ARHGEF3: variants seen among roughly 807,000 people sequenced by gnomAD.
The protein encoded by ARHGEF3 is Rho guanine nucleotide exchange factor 3, also known as 59.8 kDA protein.
ARHGEF3 carries 28 observed loss-of-function variants against 63.2 expected under a neutral mutation model. The observed-to-expected ratio is 0.44, with a 90% CI of 0.33 to 0.61. ARHGEF3 has a LOEUF of 0.61. ARHGEF3 is among the 20% of genes least tolerant of loss of function. The probability of loss-of-function intolerance (pLI) is 0.03; values close to 1 mark genes in which losing one functional copy is unlikely to be tolerated. For synonymous variants in ARHGEF3, 266 were observed against 254.2 expected, an observed-to-expected ratio of 1.05 and a Z score of -0.44; for missense variants, 533 against 659.3, an observed-to-expected ratio of 0.81 and a Z score of 2.10.
chr3:57,028,092 T>C (rs1703550789), intron 2 of ARHGEF3, among the ~76,000 whole-genome samples: 1 of 150,716 alleles, frequency 6.6e-6, no homozygotes, highest in African/African-American at 2.4e-5. Flanking sequence ...ACACTGTTGG[T>C]GGGACTGTAA....
chr3:56,945,043 T>C (rs1341964525), intron 3 of ARHGEF3, among the ~76,000 whole-genome samples: 1 of 152,200 alleles, frequency 6.6e-6, no homozygotes, highest in Non-Finnish European at 1.5e-5. Context: ...ATGGGTTAAA[T>C]GCATCATATT....
Position 57,074,457 on chromosome 3 carries a change from A to C in ARHGEF3, c.-28+4769T>G, listed in dbSNP as rs1706114607. ...ACTTCCCCAATATCACAGATGAAGA[A>C]ATCAAGATTCAGAAAGGTTAAGTTA... is the stretch of plus-strand genomic sequence containing the variant. On this transcript the variant is annotated intron_variant, in intron 1 of 12. Coordinates refer to the ARHGEF3 transcript ENST00000338458. The C allele has an allele frequency of 6.6e-6, 4 of 607,946 alleles. No individual in the cohort carries two copies. The Admixed American group carries it at 1.2e-4, about 19-fold the overall frequency. The allele number at this position is 607,946 out of a possible 1,614,324, so 37.7% of individuals were successfully genotyped here.
chr3:56,863,149 T>C (rs562658936), intron 4 of ARHGEF3, among the ~76,000 whole-genome samples: 11 of 152,220 alleles, frequency 7.2e-5, no homozygotes, highest in South Asian at 6.2e-4. Context: ...TTTTCTTTTT[T>C]TTTTTTGAGA....
At chr3:56,779,747 T>C (rs901195816) in intron 1 of ARHGEF3, among the ~76,000 whole-genome samples, 2 of 152,260 alleles carry the variant, frequency 1.3e-5, no homozygotes, top group Non-Finnish European at 2.9e-5. Context: ...CTTGTGTTAA[T>C]GTTTTTCTAA....
At chr3:56,900,405 C>A (rs1263082563) in intron 3 of ARHGEF3, among the ~76,000 whole-genome samples, 2 of 152,144 alleles carry the variant, frequency 1.3e-5, no homozygotes, top group Non-Finnish European at 2.9e-5. Context: ...GAGGCCAAGG[C>A]GGGAGGATTC....
At chr3:56,828,271 C>T (rs2038804532) in intron 4 of ARHGEF3, among the ~76,000 whole-genome samples, 1 of 152,056 alleles carries the variant, frequency 6.6e-6, no homozygotes, top group Admixed American at 6.6e-5. Context: ...CACGGTGGCT[C>T]ATGCCTGTAA....
At chr3:56,795,681 T>C (rs1578536496) in intron 1 of ARHGEF3, among the ~76,000 whole-genome samples, 1 of 114,326 alleles carries the variant, frequency 8.7e-6, no homozygotes, top group African/African-American at 3.8e-5. Context: ...GATGGACTCT[T>C]GCTCTGTTGC....
At chr3:56,839,592 T>C (rs2039241567) in intron 4 of ARHGEF3, among the ~76,000 whole-genome samples, 1 of 152,208 alleles carries the variant, frequency 6.6e-6, no homozygotes, top group African/African-American at 2.4e-5. Context: ...AATCTAAAAT[T>C]ATTCCAAAAT....
chr3:56,806,365 A>G (rs2107987617), upstream of ARHGEF3, among the ~76,000 whole-genome samples: 1 of 152,364 alleles, frequency 6.6e-6, no homozygotes, highest in Admixed American at 6.5e-5. Flanking sequence ...AGGAGCCCAG[A>G]GCTCCCCATT....
At chr3:56,929,648 G>A (rs532512050) in intron 3 of ARHGEF3, among the ~76,000 whole-genome samples, 48 of 152,110 alleles carry the variant, frequency 3.2e-4, no homozygotes, top group Middle Eastern at 3.2e-3. Flanking sequence ...TCCCCAAAAT[G>A]TATTTCCTAT....
Position 56,816,316 on chromosome 3 carries a change from T to C in ARHGEF3, c.193-42500A>G, listed in dbSNP as rs563993093. Reference sequence around the variant, plus strand: ...GGTTCTGTGCAACCCTGGCCAAACTTCTTACCCAAAATACTTACTTACATT... The same window carrying C: ...GGTTCTGTGCAACCCTGGCCAAACTCCTTACCCAAAATACTTACTTACATT... On this transcript the variant is annotated intron_variant, in intron 4 of 12. Transcript: ENST00000338458. 2.6e-5 allele frequency among the ~76,000 whole-genome samples: 4 copies of C among 152,312 alleles called. No homozygotes were observed. In the South Asian group the frequency reaches 8.3e-4, roughly 32 times the overall value.
chr3:56,733,220 T>C (rs2033319151), intron 8 of ARHGEF3, among the ~76,000 whole-genome samples: 1 of 150,690 alleles, frequency 6.6e-6, no homozygotes, highest in Non-Finnish European at 1.5e-5. Flanking sequence ...GAAGTGGAGC[T>C]TGCAGTGAGC....
intron 3 of ARHGEF3, among the ~76,000 whole-genome samples, chr3:56,911,243 G>T: frequency 6.6e-6 from 1 of 152,158 alleles, no homozygotes; most frequent in East Asian, 1.9e-4. Flanking sequence ...GGTAAGCACT[G>T]CAAGGAAGAC....
chr3:57,077,851 GC>G (rs1706286617), intron 1 of ARHGEF3, among the ~76,000 whole-genome samples: 1 of 152,078 alleles, frequency 6.6e-6, no homozygotes, highest in African/African-American at 2.4e-5. Flanking sequence ...GATATACTTT[GC>G]ACAAGGCTAG....
intron 3 of ARHGEF3, among the ~76,000 whole-genome samples, chr3:56,950,893 C>T (rs370117688): frequency 6.6e-6 from 1 of 151,928 alleles, no homozygotes; most frequent in Non-Finnish European, 1.5e-5. Context: ...TGTCCAACAA[C>T]AATAGACTGG....
At chr3:56,794,444 C>T (rs1266989053) in intron 1 of ARHGEF3, among the ~76,000 whole-genome samples, 1 of 144,940 alleles carries the variant, frequency 6.9e-6, no homozygotes, top group African/African-American at 2.6e-5. Context: ...GCTGAGATCG[C>T]ACCACTGCAC....
intron 1 of ARHGEF3, among the ~76,000 whole-genome samples, chr3:57,054,846 TCA>T (rs905516484): frequency 6.6e-6 from 1 of 150,882 alleles, no homozygotes; most frequent in Non-Finnish European, 1.5e-5. Flanking sequence ...AGACGGGGTT[TCA>T]CCATGTTGGC....
intron 2 of ARHGEF3, among the ~76,000 whole-genome samples, chr3:56,766,660 A>C (rs1473422983): frequency 6.6e-6 from 1 of 152,236 alleles, no homozygotes; most frequent in Non-Finnish European, 1.5e-5. Flanking sequence ...CCCTGGGAAG[A>C]GCTATCTTGA....
chr3:56,833,448 T>C (rs910943061), intron 4 of ARHGEF3, among the ~76,000 whole-genome samples: 6 of 152,236 alleles, frequency 3.9e-5, no homozygotes, highest in Non-Finnish European at 7.3e-5. Flanking sequence ...CTACAAATAG[T>C]GTGCAGTATT....
Sources: gnomAD v4.1 joint callset for allele counts (sites outside exome capture counted in the v4.1 genomes callset) on GRCh38, gnomAD v4.1.1 for gene constraint, MANE v1.5 for transcripts, NCBI Gene and HGNC (gene_info 2026-07-23, HGNC 2026-07-21) for gene names.